Variants in ADCY10 observed in about 807,000 individuals in gnomAD.
ADCY10 encodes adenylate cyclase type 10.
ADCY10 carries 156 observed loss-of-function variants against 183.3 expected under a neutral mutation model. The ratio of observed to expected loss-of-function variants is 0.85; its 90% CI spans 0.75 to 0.97. The LOEUF (loss-of-function observed/expected upper bound fraction) is 0.97. Ranked by LOEUF, ADCY10 falls within the 50% of genes least tolerant of loss-of-function variation. ADCY10 has a pLI of 0.00. For synonymous variants in ADCY10, 645 were observed against 670.0 expected (o/e 0.96, Z 0.58); for missense variants, 1,745 against 1,934.3 (o/e 0.90, Z 1.84).
chr1:167,889,400 A>G (rs375751574), intron 8 of ADCY10, among the ~76,000 whole-genome samples: 22 of 143,712 alleles, frequency 1.5e-4, no homozygotes, highest in African/African-American at 5.5e-4. Context: ...ATGTCCAACC[A>G]CCCTTGCATC....
At chr1:167,817,133 G>T (rs1183192269) in intron 31 of ADCY10, among the ~76,000 whole-genome samples, 2 of 152,170 alleles carry the variant, frequency 1.3e-5, no homozygotes, top group African/African-American at 4.8e-5. Context: ...GAAGGCTGAG[G>T]TGGGTGGATC....
At chr1:167,822,167 G>T (rs753382284) in intron 29 of ADCY10, 26 bp from the exon 30 acceptor site, 1 of 1,374,446 alleles carries the variant, frequency 7.3e-7, no homozygotes, top group South Asian at 1.2e-5. Flanking sequence ...ATGGGTGAGA[G>T]TTATTAGTAG....
At chr1:167,892,793 A>T (rs1165790969) in intron 8 of ADCY10, among the ~76,000 whole-genome samples, 2 of 152,192 alleles carry the variant, frequency 1.3e-5, no homozygotes, top group African/African-American at 4.8e-5. Flanking sequence ...CAGCATTTTG[A>T]TGGGACTAAG....
At chr1:167,844,232 T>C (rs965713487) in intron 21 of ADCY10, among the ~76,000 whole-genome samples, 54 of 152,238 alleles carry the variant, frequency 3.5e-4, no homozygotes, top group Non-Finnish European at 7.3e-4. Flanking sequence ...CAGATGAGAC[T>C]ATTGCTGAAG....
chr1:167,903,727 T>TCAGAAA, intron 3 of ADCY10, among the ~76,000 whole-genome samples, 160 bp downstream of exon 3: 1 of 152,228 alleles, frequency 6.6e-6, no homozygotes, highest in African/African-American at 2.4e-5. Context: ...ATTTCTTCAG[T>TCAGAAA]TATACTATAT....
intron 16 of ADCY10, among the ~76,000 whole-genome samples, chr1:167,857,063 G>C (rs1665965008): frequency 6.6e-6 from 1 of 152,246 alleles, no homozygotes; most frequent in Admixed American, 6.5e-5. Flanking sequence ...CATCTATCAG[G>C]GTCAGGTGCT....
intron 7 of ADCY10, 103 bp downstream of exon 7, chr1:167,896,492 G>A: frequency 1.1e-6 from 1 of 912,696 alleles, no homozygotes; most frequent in Non-Finnish European, 1.8e-6. Context: ...ACCAGGAGCT[G>A]TGTTGAGGAG....
At chr1:167,809,948 AACCCATAG>A in intron 32 of ADCY10, 109 bp from the exon 33 acceptor site, 1 of 1,173,370 alleles carries the variant, frequency 8.5e-7, no homozygotes, top group Non-Finnish European at 1.3e-6. Context: ...AAACCATGTG[AACCCATAG>A]ACAAAAACGA....
At chr1:167,876,494 C>T (rs1211739738) in intron 12 of ADCY10, among the ~76,000 whole-genome samples, 5 of 152,108 alleles carry the variant, frequency 3.3e-5, no homozygotes, top group Admixed American at 1.3e-4. Context: ...TTTGTTATGC[C>T]TCTCTTATAG....
intron 14 of ADCY10, among the ~76,000 whole-genome samples, chr1:167,862,902 T>C (rs982893011): frequency 1.2e-4 from 19 of 152,188 alleles, no homozygotes; most frequent in Admixed American, 9.8e-4. Flanking sequence ...TTGAATACCA[T>C]ACTATCTACT....
intron 26 of ADCY10, among the ~76,000 whole-genome samples, chr1:167,826,460 G>A (rs1403126936): frequency 6.6e-6 from 1 of 152,184 alleles, no homozygotes; most frequent in Non-Finnish European, 1.5e-5. Flanking sequence ...TCCCTCACCT[G>A]CCTTTGAGCA....
rs778155745 is a variant in ADCY10 at position 167,848,435 on chromosome 1, T to C, written c.2363A>G (p.Lys788Arg). 2.5e-6 allele frequency: 4 copies of C among 1,613,284 alleles called. No individual in the cohort carries two copies. Among genetic ancestry groups the C allele is most frequent in the Middle Eastern group, 3.3e-4 (2 of 6,060 alleles). The change falls in exon 19 of 33, where the codon AAG becomes AGG. Residue 788 changes from lysine to arginine, a missense_variant. Lys to Arg is a conservative substitution (Grantham distance 26, BLOSUM62 2). Transcript: ENST00000367851. ...GAGGTGACAGACTTCTTCACTTTCCTTATCACTATGGAGAGTAACCATGTT... is the reference window on the plus strand; with the variant it reads ...GAGGTGACAGACTTCTTCACTTTCCCTATCACTATGGAGAGTAACCATGTT... ...KLNMVTLHSD[K>R]ESEEVCHLTS...
chr1:167,825,290 AAAAG>A (rs1487320552), intron 26 of ADCY10, among the ~76,000 whole-genome samples: 5 of 151,472 alleles, frequency 3.3e-5, no homozygotes, highest in African/African-American at 7.3e-5. Context: ...AATTTAACAA[AAAAG>A]AAAGAAAGGT....
chr1:167,850,898 T>G (rs1284024720), intron 18 of ADCY10, among the ~76,000 whole-genome samples: 1 of 152,070 alleles, frequency 6.6e-6, no homozygotes, highest in African/African-American at 2.4e-5. Flanking sequence ...CCATGCCTCA[T>G]GAAGCTCACA....
Position 167,823,117 on chromosome 1 carries a change from C to T in ADCY10, c.4059G>A (p.Pro1353=), listed in dbSNP as rs201556412. 7.4e-6 allele frequency: 12 copies of T among 1,613,802 alleles called. No individual in the cohort carries two copies. Among genetic ancestry groups the T allele is most frequent in the Admixed American group, 3.3e-5 (2 of 60,006 alleles). The change falls in exon 29 of 33, where the codon CCG becomes CCA. Residue 1353 remains proline (P), a synonymous_variant. Transcript: ENST00000367851. The stretch of plus-strand genomic sequence containing the variant: ...GCCGCCCCAGCACCTGGATCAATTG[C>T]GGGTATCTATGGAAAAGAAAAGGTA... ...SRCLLLNSRY[P]QLIQVLGRLW... is the part of the protein sequence containing the mutation.
At chr1:167,904,081 G>GA in intron 2 of ADCY10, 90 bp from the exon 3 acceptor site, 1 of 501,782 alleles carries the variant, frequency 2.0e-6, no homozygotes. Context: ...GCGGGCCTCA[G>GA]CTTTTTTTTT....
intron 1 of ADCY10, among the ~76,000 whole-genome samples, chr1:167,910,083 A>C (rs1329699016): frequency 6.6e-6 from 1 of 152,286 alleles, no homozygotes; most frequent in East Asian, 1.9e-4. Context: ...TGGGGACCTC[A>C]GTTCTTGAGA....
chr1:167,890,854 T>A (rs1342581858), intron 8 of ADCY10, among the ~76,000 whole-genome samples: 1 of 152,216 alleles, frequency 6.6e-6, no homozygotes, highest in Non-Finnish European at 1.5e-5. Flanking sequence ...ACCGATTAGA[T>A]AACTGATGTA....
At chr1:167,880,647 A>C in intron 9 of ADCY10, 38 bp from the exon 10 acceptor site, 2 of 1,493,724 alleles carry the variant, frequency 1.3e-6, no homozygotes, top group Non-Finnish European at 1.9e-6. Context: ...GCTGATGGAC[A>C]GTGTGCTTTA....
Sources: gnomAD v4.1 joint callset for allele counts (sites outside exome capture counted in the v4.1 genomes callset) on GRCh38, gnomAD v4.1.1 for gene constraint, MANE v1.5 for transcripts, NCBI Gene and HGNC (gene_info 2026-07-23, HGNC 2026-07-21) for gene names.